CTNND2: variants seen among roughly 807,000 people sequenced by gnomAD.
The protein encoded by CTNND2 is catenin delta 2, also known as catenin delta-2.
Under a neutral mutation model 144.4 loss-of-function variants are expected in CTNND2, and 22 were observed. The observed-to-expected ratio is 0.15, with a 90% CI of 0.11 to 0.22. CTNND2 has a LOEUF of 0.22. Among genes scored for constraint, CTNND2 ranks in the 10% least tolerant of loss-of-function variants. The pLI is 1.00. For synonymous variants in CTNND2, 751 were observed against 695.6 expected (o/e 1.08, Z -1.25); for missense variants, 1,353 against 1,618.8 (o/e 0.84, Z 2.82).
chr5:11,295,356 T>C (rs1748808810), intron 9 of CTNND2, among the ~76,000 whole-genome samples: 1 of 152,110 alleles, frequency 6.6e-6, no homozygotes, highest in Admixed American at 6.5e-5. Flanking sequence ...TGGAAGAACA[T>C]TCCGTGTTCA....
intron 16 of CTNND2, among the ~76,000 whole-genome samples, chr5:11,029,277 T>C (rs1743198072): frequency 6.6e-6 from 1 of 152,214 alleles, no homozygotes; most frequent in Non-Finnish European, 1.5e-5. Flanking sequence ...TATCCATGTA[T>C]ATTTAAAGTA....
intron 1 of CTNND2, among the ~76,000 whole-genome samples, chr5:11,892,171 G>A (rs549707639): frequency 2.6e-5 from 4 of 152,138 alleles, no homozygotes; most frequent in South Asian, 2.1e-4. Flanking sequence ...TTAGCTTGTC[G>A]ATGATGGTGA....
In CTNND2 at chr5:11,623,800, GTGTGTA is replaced by G. The variant is rs1388552851; in HGVS notation, c.175-58750_175-58745del. Among the ~76,000 whole-genome samples the G allele has an allele frequency of 1.7e-3, 146 of 85,616 alleles. 3 individuals are homozygous for G. The highest frequency in any genetic ancestry group is 7.6e-3 in the African/African-American group (130 of 17,032). 56.2% of individuals were successfully genotyped at this position (85,616 alleles called of 152,430 possible). ...ACCTAACTATCGTAAATATATATAT[GTGTGTA>G]TGTATATATATATATATATATATAT... On this transcript the variant is annotated intron_variant, in intron 2 of 21. Transcript: ENST00000304623.
At chr5:11,326,754 GAA>G (rs1752573471) in intron 9 of CTNND2, among the ~76,000 whole-genome samples, 1 of 152,144 alleles carries the variant, frequency 6.6e-6, no homozygotes, top group Admixed American at 6.5e-5. Flanking sequence ...GAGGCAGAAG[GAA>G]AAGAGCTGGG....
chr5:11,492,015 C>A (rs1769434718), intron 3 of CTNND2, among the ~76,000 whole-genome samples: 1 of 152,162 alleles, frequency 6.6e-6, no homozygotes, highest in Non-Finnish European at 1.5e-5. Flanking sequence ...ATAACCTTTG[C>A]AATGTGAGGA....
intron 3 of CTNND2, among the ~76,000 whole-genome samples, chr5:11,526,268 A>G: frequency 6.6e-6 from 1 of 152,200 alleles, no homozygotes; most frequent in Non-Finnish European, 1.5e-5. Context: ...CTTGTTGAAT[A>G]TTAGAAGCGT....
intron 3 of CTNND2, among the ~76,000 whole-genome samples, chr5:11,424,683 A>G (rs751249153): frequency 6.6e-6 from 1 of 152,200 alleles, no homozygotes; most frequent in Non-Finnish European, 1.5e-5. Context: ...AAAAAATTAG[A>G]GGAAAGTGGT....
chr5:11,248,665 G>T (rs909635333), intron 9 of CTNND2, among the ~76,000 whole-genome samples: 4 of 152,110 alleles, frequency 2.6e-5, no homozygotes, highest in African/African-American at 9.7e-5. Flanking sequence ...CTTAACTTCT[G>T]ATAGAAGCCA....
Position 11,022,752 on chromosome 5 carries a change from G to A in CTNND2, c.2999+17C>T, listed in dbSNP as rs147459510. 3.4e-4 allele frequency: 541 copies of A among 1,603,480 alleles called. 1 individual carries two copies. Among genetic ancestry groups the A allele is most frequent in the South Asian group, 5.9e-4 (54 of 90,840 alleles). The stretch of plus-strand genomic sequence containing the variant: ...AATTTTACCAGGACAGAGATATGGC[G>A]TCACCAGGTAACTTACTTATCTCCT... On this transcript the variant is annotated intron_variant, in intron 17 of 21. Coordinates refer to ENST00000304623, the MANE Select transcript of CTNND2 (RefSeq NM_001332.4).
At chr5:11,122,624 TC>T (rs1351528998) in intron 12 of CTNND2, among the ~76,000 whole-genome samples, 1 of 152,056 alleles carries the variant, frequency 6.6e-6, no homozygotes, top group Non-Finnish European at 1.5e-5. Context: ...GGGCAGGCGC[TC>T]CCTGAGCTCC....
chr5:11,323,236 G>T (rs1190389381), intron 9 of CTNND2, among the ~76,000 whole-genome samples: 1 of 146,890 alleles, frequency 6.8e-6, no homozygotes, highest in Non-Finnish European at 1.5e-5. Flanking sequence ...GAGATTGGGG[G>T]GGGGGGTCTC....
intron 1 of CTNND2, among the ~76,000 whole-genome samples, chr5:11,856,478 G>A (rs998560031): frequency 2.6e-5 from 4 of 152,168 alleles, no homozygotes; most frequent in African/African-American, 9.7e-5. Flanking sequence ...GGCTCAGGAT[G>A]ATAGTTTAGT....
At chr5:11,363,375 A>G (rs1381294680) in intron 8 of CTNND2, among the ~76,000 whole-genome samples, 1 of 152,226 alleles carries the variant, frequency 6.6e-6, no homozygotes, top group East Asian at 1.9e-4. Flanking sequence ...CAAATTAGAT[A>G]TTGAATGTCA....
chr5:11,618,771 T>G (rs897005306), intron 2 of CTNND2, among the ~76,000 whole-genome samples: 2 of 152,204 alleles, frequency 1.3e-5, no homozygotes, highest in Non-Finnish European at 2.9e-5. Context: ...CAATCAATCT[T>G]TCAGGAATTA....
intron 3 of CTNND2, among the ~76,000 whole-genome samples, chr5:11,420,772 G>A (rs768420899): frequency 3.3e-5 from 5 of 152,248 alleles, no homozygotes; most frequent in Non-Finnish European, 5.9e-5. Context: ...TTAGAATGCC[G>A]TTTTTCTTGC....
chr5:11,719,833 T>TACACACACAC lies in CTNND2; in HGVS notation c.174+12293_174+12302dup, dbSNP rs36223515. 1.5e-3 allele frequency among the ~76,000 whole-genome samples: 218 copies of TACACACACAC among 142,104 alleles called. 1 individual carries two copies. Among genetic ancestry groups the TACACACACAC allele is most frequent in the East Asian group, 3.5e-3 (16 of 4,570 alleles). 93.2% of individuals were successfully genotyped at this position (142,104 alleles called of 152,430 possible). A position where few individuals can be genotyped will look rare whatever the true frequency, so the allele number is the denominator to read the frequency against. ...TGAATTTGTGGGTAGCTCTGACATATACACACACACACACACACACACACA... is the reference window on the plus strand; with the variant it reads ...TGAATTTGTGGGTAGCTCTGACATATACACACACACACACACACACACACACACACACACA... On this transcript the variant is annotated intron_variant, in intron 2 of 21. Coordinates refer to ENST00000304623, the MANE Select transcript of CTNND2 (RefSeq NM_001332.4).
chr5:11,724,553 C>G (rs1280036645), intron 2 of CTNND2, among the ~76,000 whole-genome samples: 2 of 152,134 alleles, frequency 1.3e-5, no homozygotes, highest in East Asian at 3.9e-4. Flanking sequence ...TGGAGGGTTT[C>G]TCCTCTGTTG....
chr5:11,737,536 C>A (rs1050734522), intron 1 of CTNND2, among the ~76,000 whole-genome samples: 1 of 152,218 alleles, frequency 6.6e-6, no homozygotes, highest in East Asian at 1.9e-4. Context: ...TTGGTACCAA[C>A]AAGTCCTATG....
intron 11 of CTNND2, among the ~76,000 whole-genome samples, chr5:11,184,157 G>A (rs761933844): frequency 6.6e-6 from 1 of 152,234 alleles, no homozygotes; most frequent in South Asian, 2.1e-4. Flanking sequence ...TCTCACTAAC[G>A]ATGGAGGGGA....
Sources: allele counts gnomAD v4.1 joint callset (sites outside exome capture counted in the v4.1 genomes callset), GRCh38; gene constraint gnomAD v4.1.1; transcripts MANE v1.5; gene names NCBI Gene and HGNC (gene_info 2026-07-23, HGNC 2026-07-21).